ANKRD36: variants seen among roughly 807,000 people sequenced by gnomAD.
The protein encoded by ANKRD36 is ankyrin repeat domain 36, also known as ankyrin repeat domain-containing protein 36A.
ANKRD36 carries 179 observed loss-of-function variants against 278.1 expected under a neutral mutation model. The observed-to-expected ratio is 0.64, with a 90% confidence interval of 0.57 to 0.73. ANKRD36 has a LOEUF of 0.73. Ranked by LOEUF, ANKRD36 falls within the 30% of genes least tolerant of loss-of-function variation. The probability of loss-of-function intolerance (pLI) is 0.00; values close to 1 mark genes in which losing one functional copy is unlikely to be tolerated. For missense variants in ANKRD36, 1,159 were observed against 1,956.7 expected (o/e 0.59, Z 7.69); for synonymous variants, 320 against 641.1 (o/e 0.50, Z 7.57).
chr2:97,194,503 A>G (rs1020980432), intron 38 of ANKRD36, among the ~76,000 whole-genome samples: 10 of 151,606 alleles, frequency 6.6e-5, no homozygotes, highest in Non-Finnish European at 1.5e-4. Context: ...CACATAAAAA[A>G]TCATACTGTG....
intron 17 of ANKRD36, among the ~76,000 whole-genome samples, chr2:97,159,181 T>G (rs1415687346): frequency 6.6e-6 from 1 of 151,978 alleles, no homozygotes; most frequent in Non-Finnish European, 1.5e-5. Context: ...GCCAAGTAAT[T>G]GAAAAATTCT....
At chr2:97,205,815 A>T in intron 50 of ANKRD36, 125 bp from the exon 51 acceptor site, 1 of 1,313,640 alleles carries the variant, frequency 7.6e-7, no homozygotes, top group Non-Finnish European at 1.1e-6. Flanking sequence ...GACACAAAGT[A>T]GAAGCCATCA....
At chr2:97,130,693 G>A (rs190414558) in intron 6 of ANKRD36, among the ~76,000 whole-genome samples, 3 of 151,954 alleles carry the variant, frequency 2.0e-5, no homozygotes, top group Admixed American at 6.6e-5. Context: ...AGTATACCAA[G>A]TCTCTGTGTT....
At chr2:97,216,897 C>G (rs1295134311) in intron 62 of ANKRD36, 3 of 741,500 alleles carry the variant, frequency 4.0e-6, no homozygotes, top group African/African-American at 1.8e-5. Flanking sequence ...GTCCTCATCA[C>G]TCAGCATATC....
At position 97,206,848 on chromosome 2, in the gene ANKRD36, A is replaced by T. The variant is rs541923374; in HGVS notation, c.3163+713A>T. On this transcript the variant is annotated intron_variant, in intron 52 of 75. Transcript: ENST00000420699. ...TTTGTTGATTTTAGGTATAGAAATCAGACAAACTTGAATCTGAATACATTG... is the reference window on the plus strand; with the variant it reads ...TTTGTTGATTTTAGGTATAGAAATCTGACAAACTTGAATCTGAATACATTG... 1.1e-4 allele frequency among the ~76,000 whole-genome samples: 17 copies of T among 151,650 alleles called. No homozygotes were observed. In the South Asian group the frequency reaches 3.6e-3, roughly 32 times the overall value.
intron 28 of ANKRD36, among the ~76,000 whole-genome samples, chr2:97,184,083 A>G (rs1014290482): frequency 2.0e-5 from 3 of 151,698 alleles, no homozygotes; most frequent in Non-Finnish European, 2.9e-5. Flanking sequence ...CAAAGTGACC[A>G]CTGATGTAGT....
intron 62 of ANKRD36, among the ~76,000 whole-genome samples, chr2:97,216,364 A>T (rs2065929801): frequency 1.3e-5 from 2 of 151,916 alleles, no homozygotes; most frequent in South Asian, 4.2e-4. Flanking sequence ...ATTCTAATTA[A>T]CTCCTAAAGT....
intron 18 of ANKRD36, chr2:97,163,389 CTTTTT>C (rs372495234): frequency 7.6e-3 from 698 of 91,814 alleles, no homozygotes; most frequent in Non-Finnish European, 2.3e-3. Context: ...GTAATGCATA[CTTTTT>C]TTTTTGCATA....
chr2:97,206,488 C>A (rs773834547), intron 52 of ANKRD36, among the ~76,000 whole-genome samples: 1 of 151,416 alleles, frequency 6.6e-6, no homozygotes, highest in South Asian at 2.1e-4. Flanking sequence ...GATGTCACAT[C>A]ATACTGCTAA....
chr2:97,202,116 A>T lies in ANKRD36; in HGVS notation c.2858-86A>T. The T allele has an allele frequency of 3.1e-6, 5 of 1,589,890 alleles. No individual in the cohort carries two copies. The South Asian group carries it at 4.6e-5, about 15-fold the overall frequency. ...CCTATGCTAATACAGGCAGGAGGAC[A>T]GAGGTTGATTCTAACAGTGCTCGAA... On this transcript the variant is annotated intron_variant, in intron 46 of 75. Coordinates refer to ENST00000420699, the MANE Select transcript of ANKRD36 (RefSeq NM_001354587.1).
At chr2:97,176,968 C>T (rs2054452287) in intron 22 of ANKRD36, among the ~76,000 whole-genome samples, 1 of 151,738 alleles carries the variant, frequency 6.6e-6, no homozygotes, top group Non-Finnish European at 1.5e-5. Flanking sequence ...TGATAAGCAA[C>T]TTCAGCAAAG....
At chr2:97,204,046 A>G in intron 48 of ANKRD36, 22 bp from the exon 49 acceptor site, 1 of 1,563,040 alleles carries the variant, frequency 6.4e-7, no homozygotes, top group Non-Finnish European at 8.7e-7. Context: ...ATGAGTGATT[A>G]GGAATCCCTT....
At position 97,245,896 on chromosome 2, in the gene ANKRD36, AAG is replaced by A; in HGVS notation, c.5233_5234del (p.Glu1745LysfsTer5). The A allele has an allele frequency of 2.4e-6, 1 of 425,030 alleles. No individual in the cohort carries two copies. Among genetic ancestry groups the A allele is most frequent in the Non-Finnish European group, 3.8e-6 (1 of 264,878 alleles). The allele number at this position is 425,030 out of a possible 1,614,324, so 26.3% of individuals were successfully genotyped here. On this transcript the variant is annotated frameshift_variant, in exon 71 of 76. Transcript: ENST00000420699. LOFTEE classifies it high-confidence loss of function. ...GATGCTCGCAACAAAGCTGACAATC[AAG>A]AAAAAGCAATACTTAATATTCAAGC...
chr2:97,133,287 G>T lies in ANKRD36; in HGVS notation c.799+6153G>T, dbSNP rs2040640802. On this transcript the variant is annotated intron_variant, in intron 6 of 75. Coordinates refer to ENST00000420699, the MANE Select transcript of ANKRD36 (RefSeq NM_001354587.1). Reference sequence around the variant, plus strand: ...CATGGTGCTTATTTCATTTGCGTCAGTTGCAACTTAATATGAAATACTAAG... The same window carrying T: ...CATGGTGCTTATTTCATTTGCGTCATTTGCAACTTAATATGAAATACTAAG... Among the ~76,000 whole-genome samples the T allele has an allele frequency of 3.9e-5, 6 of 152,024 alleles. No homozygotes were observed. The South Asian group carries it at 1.3e-3, about 32-fold the overall frequency.
chr2:97,149,642 A>G (rs1420260412), intron 12 of ANKRD36, among the ~76,000 whole-genome samples: 7 of 152,054 alleles, frequency 4.6e-5, no homozygotes, highest in Admixed American at 4.6e-4. Flanking sequence ...ATGCTTTCCC[A>G]CAGTAGAGGA....
rs1653127519 is a variant in ANKRD36 at position 97,113,444 on chromosome 2, C to G, written c.-296C>G. ...CCTGGGGCAGGGCGCGCCTCGCGCT[C>G]CAGGGAGCCCCGCCCTCCCGCGGCA... On this transcript the variant is annotated 5_prime_UTR_variant, in exon 1 of 76. Transcript: ENST00000420699. The G allele has an allele frequency of 2.2e-6, 1 of 461,004 alleles. No individual in the cohort carries two copies. The highest frequency in any genetic ancestry group is 3.8e-6 in the Non-Finnish European group (1 of 260,960). 28.6% of individuals were successfully genotyped at this position (461,004 alleles called of 1,614,324 possible).
At chr2:97,192,934 T>C (rs1316666974) in intron 37 of ANKRD36, 47 bp from the exon 38 acceptor site, 8 of 1,596,602 alleles carry the variant, frequency 5.0e-6, no homozygotes, top group South Asian at 1.1e-5. Context: ...GTATGGTCTA[T>C]GAAACATACT....
intron 54 of ANKRD36, 76 bp downstream of exon 54, chr2:97,208,082 G>T: frequency 7.3e-7 from 1 of 1,366,160 alleles, no homozygotes; most frequent in African/African-American, 1.6e-5. Context: ...TAAATCAGCG[G>T]GGGGCTCGTT....
chr2:97,222,782 A>C (rs1191381073), intron 66 of ANKRD36, among the ~76,000 whole-genome samples: 2 of 152,114 alleles, frequency 1.3e-5, no homozygotes, highest in Non-Finnish European at 2.9e-5. Context: ...AATTTATGAG[A>C]GCTATATAGA....
Sources: allele counts gnomAD v4.1 joint callset (sites outside exome capture counted in the v4.1 genomes callset), GRCh38; gene constraint gnomAD v4.1.1; transcripts MANE v1.5; gene names NCBI Gene and HGNC (gene_info 2026-07-23, HGNC 2026-07-21).